Variants in CA10 observed in about 807,000 individuals in gnomAD.
CA10 encodes the protein carbonic anhydrase 10 (inactive).
A neutral mutation model predicts 44.2 loss-of-function variants in CA10; 14 were observed. That is an observed-to-expected ratio of 0.32 (90% CI 0.21 to 0.50). The LOEUF (loss-of-function observed/expected upper bound fraction) is 0.50. Among genes scored for constraint, CA10 ranks in the 20% least tolerant of loss-of-function variants. CA10 has a pLI of 0.99. For synonymous variants in CA10, 159 were observed against 141.6 expected (o/e 1.12, Z -0.87); for missense variants, 350 against 409.7 (o/e 0.85, Z 1.26).
At chr17:51,633,686 C>A in intron 7 of CA10, 36 bp from the exon 8 acceptor site, 3 of 1,602,776 alleles carry the variant, frequency 1.9e-6, no homozygotes, top group Non-Finnish European at 2.6e-6. Context: ...ATCCAACCAT[C>A]CTCTTAAATG....
intron 3 of CA10, among the ~76,000 whole-genome samples, chr17:51,851,657 C>G (rs1443765793): frequency 6.6e-6 from 1 of 152,138 alleles, no homozygotes; most frequent in East Asian, 1.9e-4. Context: ...TTCTGGAAGT[C>G]AAGGGTTGTA....
intron 4 of CA10, among the ~76,000 whole-genome samples, chr17:51,654,799 A>G (rs539207141): frequency 9.2e-5 from 14 of 151,882 alleles, no homozygotes; most frequent in South Asian, 2.1e-4. Flanking sequence ...CTCGTGATCC[A>G]CCCGCCTTGG....
chr17:52,055,961 C>A (rs949742794), intron 2 of CA10, among the ~76,000 whole-genome samples: 1 of 152,006 alleles, frequency 6.6e-6, no homozygotes, highest in African/African-American at 2.4e-5. Context: ...TAAAGCTGAC[C>A]AAATTCTTGG....
chr17:51,962,823 T>C (rs1983942529), intron 2 of CA10, among the ~76,000 whole-genome samples: 2 of 152,148 alleles, frequency 1.3e-5, no homozygotes, highest in Admixed American at 1.3e-4. Flanking sequence ...CTATTATCTC[T>C]GGATGAGAAA....
rs142500916 is a variant in CA10, at chr17:52,092,204, A to C, written c.62-19811T>G. ...TGTCTATCTCTGTCTCATTCTCTGTATAACATTCCTTCTTTCTTGTCCACA... is the reference window on the plus strand; with the variant it reads ...TGTCTATCTCTGTCTCATTCTCTGTCTAACATTCCTTCTTTCTTGTCCACA... On this transcript the variant is annotated intron_variant, in intron 1 of 8. Transcript: ENST00000451037. Among the ~76,000 whole-genome samples the C allele has an allele frequency of 9.4e-3, 1,432 of 152,188 alleles. 18 individuals carry two copies. Among genetic ancestry groups the C allele is most frequent in the African/African-American group, 0.032 (1,338 of 41,528 alleles).
At chr17:51,789,205 G>A (rs755215153) in intron 3 of CA10, among the ~76,000 whole-genome samples, 2 of 151,952 alleles carry the variant, frequency 1.3e-5, no homozygotes, top group Non-Finnish European at 2.9e-5. Context: ...TAGTAGAGAG[G>A]GGGTTTCACC....
intron 2 of CA10, among the ~76,000 whole-genome samples, chr17:51,986,028 G>C (rs569063049): frequency 5.9e-5 from 9 of 152,028 alleles, no homozygotes; most frequent in African/African-American, 2.2e-4. Context: ...AAGCAAAGAA[G>C]AGCCCACATA....
chr17:51,826,690 C>T (rs1908020920), intron 3 of CA10, among the ~76,000 whole-genome samples: 1 of 152,206 alleles, frequency 6.6e-6, no homozygotes, highest in South Asian at 2.1e-4. Context: ...TACTCTCAGG[C>T]TGCTAGTTGG....
At chr17:51,638,910 G>A (rs1252826231) in intron 6 of CA10, among the ~76,000 whole-genome samples, 1 of 152,116 alleles carries the variant, frequency 6.6e-6, no homozygotes, top group Admixed American at 6.5e-5. Flanking sequence ...AGTCAAGGAA[G>A]GAGTGGTGTG....
intron 1 of CA10, among the ~76,000 whole-genome samples, chr17:52,080,849 C>T (rs758597246): frequency 2.0e-5 from 3 of 152,194 alleles, no homozygotes; most frequent in Non-Finnish European, 4.4e-5. Context: ...ACTGTAATCC[C>T]TAACTTCCCT....
At chr17:51,813,011 T>A (rs1907430391) in intron 3 of CA10, among the ~76,000 whole-genome samples, 1 of 152,210 alleles carries the variant, frequency 6.6e-6, no homozygotes. Context: ...TTATTTACTT[T>A]AAAAAGTTCA....
chr17:51,993,285 G>T (rs1026296941), intron 2 of CA10, among the ~76,000 whole-genome samples: 1 of 152,106 alleles, frequency 6.6e-6, no homozygotes, highest in Non-Finnish European at 1.5e-5. Context: ...AAGCACTGCT[G>T]ATTAAATAAT....
chr17:51,817,512 T>A (rs1907608860), intron 3 of CA10, among the ~76,000 whole-genome samples: 1 of 152,132 alleles, frequency 6.6e-6, no homozygotes, highest in Non-Finnish European at 1.5e-5. Flanking sequence ...TCAGGCTCAG[T>A]GGGATGCCTG....
chr17:51,855,786 T>G (rs1474982576), intron 3 of CA10, among the ~76,000 whole-genome samples: 2 of 152,226 alleles, frequency 1.3e-5, no homozygotes, highest in Non-Finnish European at 2.9e-5. Flanking sequence ...ATTAATTCCT[T>G]AAATGAATTC....
At chr17:51,938,395 G>T (rs1982947135) in intron 2 of CA10, among the ~76,000 whole-genome samples, 2 of 152,056 alleles carry the variant, frequency 1.3e-5, no homozygotes, top group African/African-American at 2.4e-5. Flanking sequence ...ACTTTCAGAT[G>T]CCCACCCAAC....
chr17:51,830,155 C>T (rs1316139210), intron 3 of CA10, among the ~76,000 whole-genome samples: 4 of 143,774 alleles, frequency 2.8e-5, no homozygotes, highest in African/African-American at 1.1e-4. Context: ...TGAGATTGCG[C>T]CACTGTACTC....
At chr17:51,813,625 A>C (rs528813829) in intron 3 of CA10, among the ~76,000 whole-genome samples, 82 of 152,148 alleles carry the variant, frequency 5.4e-4, no homozygotes, top group Non-Finnish European at 1.0e-3. Flanking sequence ...GCCTTCTGTG[A>C]AGGGACCTGC....
intron 1 of CA10, among the ~76,000 whole-genome samples, chr17:52,131,292 T>C (rs908253129): frequency 6.6e-6 from 1 of 152,250 alleles, no homozygotes; most frequent in African/African-American, 2.4e-5. Context: ...CAACAGAGCA[T>C]GGCAACAGTG....
chr17:52,040,931 C>A (rs1986751111), intron 2 of CA10, among the ~76,000 whole-genome samples: 2 of 152,108 alleles, frequency 1.3e-5, no homozygotes, highest in South Asian at 4.2e-4. Context: ...ACAACAATTT[C>A]TGAAGGTCAC....
Sources: allele counts gnomAD v4.1 joint callset (sites outside exome capture counted in the v4.1 genomes callset), GRCh38; gene constraint gnomAD v4.1.1; transcripts MANE v1.5; gene names NCBI Gene and HGNC (gene_info 2026-07-23, HGNC 2026-07-21).